Variants in CHST8 observed in about 807,000 individuals in gnomAD.
CHST8 encodes the protein carbohydrate sulfotransferase 8, also known as GALNAC-4-ST1.
Under a neutral mutation model 15.0 loss-of-function variants are expected in CHST8, and 10 were observed. The ratio of observed to expected loss-of-function variants is 0.67; its 90% CI spans 0.41 to 1.13. The LOEUF is 1.13. Ranked by LOEUF, CHST8 falls within the 50% of genes most tolerant of loss-of-function variation. CHST8 has a pLI of 0.00. For synonymous variants in CHST8, 259 were observed against 256.6 expected, an observed-to-expected ratio of 1.01 and a Z score of -0.09; for missense variants, 634 against 608.2, an observed-to-expected ratio of 1.04 and a Z score of -0.45.
At chr19:33,623,421 G>T (rs1439698691) in intron 1 of CHST8, among the ~76,000 whole-genome samples, 1 of 152,218 alleles carries the variant, frequency 6.6e-6, no homozygotes. Context: ...GCGATCTGGC[G>T]CAGCAGCAGA....
At chr19:33,767,828 A>G (rs1974882358) in intron 3 of CHST8, among the ~76,000 whole-genome samples, 1 of 152,040 alleles carries the variant, frequency 6.6e-6, no homozygotes, top group African/African-American at 2.4e-5. Context: ...CGTTGGATGG[A>G]AGAGGAGGTG....
intron 3 of CHST8, among the ~76,000 whole-genome samples, chr19:33,701,735 G>A (rs748552844): frequency 2.6e-5 from 4 of 152,228 alleles, no homozygotes; most frequent in Non-Finnish European, 5.9e-5. Flanking sequence ...TGCATGAAAT[G>A]TAGTCAGGGT....
intron 2 of CHST8, among the ~76,000 whole-genome samples, chr19:33,683,001 C>G (rs1393764625): frequency 6.6e-6 from 1 of 152,090 alleles, no homozygotes; most frequent in Non-Finnish European, 1.5e-5. Flanking sequence ...GGGAGGAGGC[C>G]GGTCACATGG....
chr19:33,667,871 A>G (rs552403572), intron 2 of CHST8, 28 bp downstream of exon 2: 1 of 152,320 alleles, frequency 6.6e-6, no homozygotes, highest in Admixed American at 6.5e-5. Flanking sequence ...CTATAAATCA[A>G]GCTGAGGGAA....
In CHST8 at chr19:33,772,704, G is replaced by A; in HGVS notation, c.916G>A (p.Val306Met). The A allele has an allele frequency of 6.2e-7, 1 of 1,613,512 alleles. No individual in the cohort carries two copies. ...GGAGGCCCTGCGGACCGGCTCTGGG[G>A]TGCGTTTTCCCGAGTTCGTCCAGTA... ...SREALRTGSG[V>M]RFPEFVQYLL... Residue 306 changes from valine to methionine, a missense_variant, in exon 5 of 5, where the codon GTG becomes ATG. Transcript: ENST00000650847.
intron 2 of CHST8, among the ~76,000 whole-genome samples, chr19:33,674,821 G>A: frequency 6.6e-6 from 1 of 152,312 alleles, no homozygotes; most frequent in East Asian, 1.9e-4. Flanking sequence ...CAACTAGGAG[G>A]AAGACCTGCT....
intron 1 of CHST8, among the ~76,000 whole-genome samples, chr19:33,656,284 T>C (rs1972509448): frequency 6.6e-6 from 1 of 152,322 alleles, no homozygotes; most frequent in East Asian, 1.9e-4. Context: ...AATTATTTTT[T>C]ATACCACTAA....
At chr19:33,698,854 C>G (rs1167085614) in intron 3 of CHST8, among the ~76,000 whole-genome samples, 1 of 152,118 alleles carries the variant, frequency 6.6e-6, no homozygotes, top group Non-Finnish European at 1.5e-5. Flanking sequence ...CCCCTCTGCA[C>G]CTGCGTTTCC....
chr19:33,738,022 C>T (rs1169266711), intron 3 of CHST8, among the ~76,000 whole-genome samples: 1 of 152,200 alleles, frequency 6.6e-6, no homozygotes, highest in East Asian at 1.9e-4. Context: ...CCACCCTACA[C>T]TGAGAACATC....
intron 2 of CHST8, among the ~76,000 whole-genome samples, chr19:33,685,355 T>C (rs985153377): frequency 1.0e-5 from 1 of 99,472 alleles, no homozygotes. Flanking sequence ...TAATTGGATC[T>C]TTTTTTTTTT....
At chr19:33,769,649 G>C (rs1203282593) in intron 3 of CHST8, among the ~76,000 whole-genome samples, 1 of 151,750 alleles carries the variant, frequency 6.6e-6, no homozygotes, top group Non-Finnish European at 1.5e-5. Flanking sequence ...GGCATGGCAG[G>C]GGGTGGCAAT....
At chr19:33,720,077 C>T (rs1400062702) in intron 3 of CHST8, among the ~76,000 whole-genome samples, 2 of 152,158 alleles carry the variant, frequency 1.3e-5, no homozygotes, top group East Asian at 1.9e-4. Context: ...ACAGCTCCTC[C>T]GCCAGGCTGG....
chr19:33,657,840 G>A (rs1972532351), intron 1 of CHST8, among the ~76,000 whole-genome samples: 1 of 152,072 alleles, frequency 6.6e-6, no homozygotes, highest in Non-Finnish European at 1.5e-5. Flanking sequence ...CAAAGCACTG[G>A]GATTACAGGC....
At chr19:33,650,777 G>T (rs981057352) in intron 1 of CHST8, among the ~76,000 whole-genome samples, 1 of 150,946 alleles carries the variant, frequency 6.6e-6, no homozygotes, top group Non-Finnish European at 1.5e-5. Flanking sequence ...GTGTGATTTT[G>T]GCTCACTGCA....
intron 1 of CHST8, among the ~76,000 whole-genome samples, chr19:33,630,665 C>T (rs1234462089): frequency 2.0e-5 from 3 of 150,486 alleles, no homozygotes; most frequent in Non-Finnish European, 3.0e-5. Flanking sequence ...GGAGCCAGCA[C>T]GTGGGTCAGG....
chr19:33,758,383 C>G (rs986917157), intron 3 of CHST8, among the ~76,000 whole-genome samples: 1 of 152,176 alleles, frequency 6.6e-6, no homozygotes. Flanking sequence ...ATCCCTGAGC[C>G]CCTAGGCAGC....
At chr19:33,758,502 T>A (rs949470152) in intron 3 of CHST8, among the ~76,000 whole-genome samples, 9 of 152,198 alleles carry the variant, frequency 5.9e-5, no homozygotes, top group African/African-American at 2.4e-5. Flanking sequence ...TAAGACAGAT[T>A]CACTTTTGTG....
At chr19:33,637,638 G>C (rs1371698841) in intron 1 of CHST8, among the ~76,000 whole-genome samples, 8 of 149,302 alleles carry the variant, frequency 5.4e-5, no homozygotes, top group African/African-American at 1.7e-4. Flanking sequence ...TCATGACCTT[G>C]TGATCTGCCT....
chr19:33,721,252 A>C (rs79223272), intron 3 of CHST8, among the ~76,000 whole-genome samples: 22,427 of 152,102 alleles, frequency 0.15, 2,087 homozygotes, highest in African/African-American at 0.24. Flanking sequence ...TTGACACCAG[A>C]AGATGGAGCC....
Sources: allele counts gnomAD v4.1 joint callset (sites outside exome capture counted in the v4.1 genomes callset), GRCh38; gene constraint gnomAD v4.1.1; transcripts MANE v1.5; gene names NCBI Gene and HGNC (gene_info 2026-07-23, HGNC 2026-07-21).